The following RNGTT variants were observed in gnomAD, a reference collection of about 807,000 sequenced individuals.
RNGTT encodes the protein RNA guanylyltransferase and 5'-phosphatase.
Under a neutral mutation model 79.3 loss-of-function variants are expected in RNGTT, and 33 were observed. The ratio of observed to expected loss-of-function variants is 0.42; its 90% CI spans 0.32 to 0.56. RNGTT has a LOEUF of 0.56. Ranked by LOEUF, RNGTT falls within the 20% of genes least tolerant of loss-of-function variation. The pLI is 0.17. For synonymous variants in RNGTT, 222 were observed against 235.9 expected (o/e 0.94, Z 0.54); for missense variants, 497 against 739.1 (o/e 0.67, Z 3.80).
intron 12 of RNGTT, among the ~76,000 whole-genome samples, chr6:88,784,477 AG>A (rs1396016973): frequency 6.6e-6 from 1 of 152,176 alleles, no homozygotes; most frequent in African/African-American, 2.4e-5. Context: ...TGATAGTTGA[AG>A]GATAAATGGG....
At chr6:88,921,023 G>A (rs1005891768) in intron 4 of RNGTT, among the ~76,000 whole-genome samples, 6 of 152,144 alleles carry the variant, frequency 3.9e-5, no homozygotes, top group African/African-American at 1.4e-4. Context: ...GACAATAACA[G>A]AAACTAGTCT....
intron 8 of RNGTT, among the ~76,000 whole-genome samples, chr6:88,869,079 T>G (rs972583312): frequency 6.6e-6 from 1 of 152,178 alleles, no homozygotes; most frequent in Admixed American, 6.5e-5. Context: ...AAAACACATG[T>G]AGAAGATGTA....
chr6:88,863,419 C>CA (rs1782074803), intron 8 of RNGTT, among the ~76,000 whole-genome samples: 1 of 152,076 alleles, frequency 6.6e-6, no homozygotes, highest in Admixed American at 6.6e-5. Context: ...AGTCGACAGT[C>CA]AAAAGACTGT....
In RNGTT at chr6:88,848,036, T is replaced by C. The variant is rs552960566; in HGVS notation, c.1104+1719A>G. On this transcript the variant is annotated intron_variant, in intron 10 of 15. Coordinates refer to ENST00000369485, the MANE Select transcript of RNGTT (RefSeq NM_003800.5). ...ACAACCAAATAGGAAAAACAGAAGA[T>C]TGTATTATAAGATTATACAAACTTG... 7.9e-5 allele frequency among the ~76,000 whole-genome samples: 12 copies of C among 151,736 alleles called. No homozygotes were observed. In the East Asian group the frequency reaches 1.9e-3, roughly 24 times the overall value.
At chr6:88,917,714 T>G (rs879076476) in intron 4 of RNGTT, among the ~76,000 whole-genome samples, 1 of 149,886 alleles carries the variant, frequency 6.7e-6, no homozygotes, top group Non-Finnish European at 1.5e-5. Context: ...TGGAGAAACC[T>G]CATCTCTACT....
At chr6:88,752,877 C>T (rs1452150431) in intron 13 of RNGTT, among the ~76,000 whole-genome samples, 1 of 152,038 alleles carries the variant, frequency 6.6e-6, no homozygotes, top group African/African-American at 2.4e-5. Flanking sequence ...TAAACACCTA[C>T]TATGTACCCA....
chr6:88,963,081 ATCC>A lies in RNGTT; in HGVS notation c.64+262_64+264del, dbSNP rs747054536. Among the ~76,000 whole-genome samples, 271 of 152,178 alleles carry A rather than the reference ATCC, an allele frequency of 1.8e-3. 1 individual carries two copies. Among genetic ancestry groups the A allele is most frequent in the Non-Finnish European group, 9.6e-4 (65 of 67,992 alleles). ...CAAAGTACGCCCACTGTATTCCTGG[ATCC>A]TCACCTCCTGCCACCAACCTCCTGT... On this transcript the variant is annotated intron_variant, in intron 1 of 15. Coordinates refer to ENST00000369485, the MANE Select transcript of RNGTT (RefSeq NM_003800.5).
In RNGTT at chr6:88,916,281, T is replaced by A. The variant is rs181237659; in HGVS notation, c.368-9841A>T. Among the ~76,000 whole-genome samples, 261 of 152,288 alleles carry A rather than the reference T, an allele frequency of 1.7e-3. 1 individual carries two copies. Among genetic ancestry groups the A allele is most frequent in the Admixed American group, 3.1e-3 (48 of 15,294 alleles). ...TGAGCCCAGAAGTTCAGGACCAGCC[T>A]GGGCAACATGGTGAAACCCTGTCTC... On this transcript the variant is annotated intron_variant, in intron 4 of 15. Transcript: ENST00000369485.
At chr6:88,921,727 A>C (rs1460859759) in intron 4 of RNGTT, among the ~76,000 whole-genome samples, 1 of 152,056 alleles carries the variant, frequency 6.6e-6, no homozygotes, top group Admixed American at 6.6e-5. Context: ...TCCACCCTTA[A>C]TAATATTTTT....
intron 1 of RNGTT, among the ~76,000 whole-genome samples, chr6:88,955,548 C>CA (rs574649990): frequency 0.051 from 2,841 of 55,170 alleles, 37 homozygotes; most frequent in Non-Finnish European, 0.068. Context: ...AGACTCATCT[C>CA]AAAAAAAAAA....
intron 12 of RNGTT, among the ~76,000 whole-genome samples, chr6:88,783,801 G>A (rs1435488070): frequency 1.2e-4 from 18 of 152,086 alleles, no homozygotes; most frequent in Admixed American, 1.1e-3. Context: ...GCCTCTATGG[G>A]CCAATCAAAA....
chr6:88,867,508 T>C (rs915604266), intron 8 of RNGTT, among the ~76,000 whole-genome samples: 5 of 151,570 alleles, frequency 3.3e-5, no homozygotes, highest in Non-Finnish European at 7.4e-5. Context: ...AGAGAGAGAA[T>C]GAAAATGGAA....
chr6:88,901,481 T>C (rs1371950760), intron 6 of RNGTT, among the ~76,000 whole-genome samples: 2 of 142,350 alleles, frequency 1.4e-5, no homozygotes, highest in Admixed American at 1.4e-4. Context: ...AAAATAACTG[T>C]CAAGCACCCT....
chr6:88,783,215 C>A (rs1758615617), intron 12 of RNGTT, among the ~76,000 whole-genome samples: 1 of 152,076 alleles, frequency 6.6e-6, no homozygotes, highest in Non-Finnish European at 1.5e-5. Flanking sequence ...TCAGCCTTAC[C>A]CCCAGAAAAG....
chr6:88,654,339 C>T (rs938159432), intron 14 of RNGTT, among the ~76,000 whole-genome samples: 1 of 152,144 alleles, frequency 6.6e-6, no homozygotes, highest in Non-Finnish European at 1.5e-5. Flanking sequence ...ACGACTATGT[C>T]ACACAGATCT....
At chr6:88,652,421 G>GA (rs534681025) in intron 14 of RNGTT, among the ~76,000 whole-genome samples, 17 of 151,872 alleles carry the variant, frequency 1.1e-4, no homozygotes, top group Admixed American at 2.6e-4. Flanking sequence ...TCACAATTTA[G>GA]AAAAAAAACT....
intron 14 of RNGTT, among the ~76,000 whole-genome samples, chr6:88,658,145 A>G (rs573779207): frequency 6.6e-6 from 1 of 152,260 alleles, no homozygotes; most frequent in African/African-American, 2.4e-5. Flanking sequence ...CAGCCAACTC[A>G]AGCCATTACA....
intron 1 of RNGTT, among the ~76,000 whole-genome samples, chr6:88,945,974 A>T (rs916235262): frequency 1.3e-5 from 2 of 152,220 alleles, no homozygotes; most frequent in Admixed American, 6.5e-5. Context: ...ACACATTCCG[A>T]TATGAGCAAG....
intron 12 of RNGTT, among the ~76,000 whole-genome samples, chr6:88,796,250 A>C (rs1779597476): frequency 6.6e-6 from 1 of 152,210 alleles, no homozygotes; most frequent in Non-Finnish European, 1.5e-5. Context: ...AACTAGAAAC[A>C]TTTAAAGTAT....
Sources: gnomAD v4.1 joint callset for allele counts (sites outside exome capture counted in the v4.1 genomes callset) on GRCh38, gnomAD v4.1.1 for gene constraint, MANE v1.5 for transcripts, NCBI Gene and HGNC (gene_info 2026-07-23, HGNC 2026-07-21) for gene names.